The following CLSTN3 variants were observed in gnomAD, a reference collection of about 807,000 sequenced individuals.
CLSTN3 encodes the protein calsyntenin 3.
CLSTN3 carries 36 observed loss-of-function variants against 95.9 expected under a neutral mutation model. The ratio of observed to expected loss-of-function variants is 0.38; its 90% CI spans 0.29 to 0.50. The LOEUF (loss-of-function observed/expected upper bound fraction) is 0.50. Ranked by LOEUF, CLSTN3 falls within the 20% of genes least tolerant of loss-of-function variation. The probability of loss-of-function intolerance (pLI) is 0.95; values close to 1 mark genes in which losing one functional copy is unlikely to be tolerated. For synonymous variants in CLSTN3, 481 were observed against 504.0 expected (o/e 0.95, Z 0.61); for missense variants, 1,084 against 1,268.8 (o/e 0.85, Z 2.21).
At chr12:7,143,383 G>A (rs760119103) in intron 12 of CLSTN3, 72 bp downstream of exon 12, 34 of 1,520,748 alleles carry the variant, frequency 2.2e-5, no homozygotes, top group Middle Eastern at 2.3e-4. Flanking sequence ...GGCCTAAGGC[G>A]TCACCTAGAG....
At chr12:7,130,912 C>G (rs1276697730) in intron 1 of CLSTN3, 200 bp downstream of exon 1, 1 of 622,368 alleles carries the variant, frequency 1.6e-6, no homozygotes, top group Non-Finnish European at 2.9e-6. Context: ...CCTTTCTGGT[C>G]CATCTCTACC....
chr12:7,129,560 T>C, upstream of CLSTN3: 1 of 956,448 alleles, frequency 1.0e-6, no homozygotes, highest in South Asian at 4.8e-5. The surrounding 1 kb of genome is among the most constrained non-coding windows in gnomAD (Gnocchi z 5.5). Flanking sequence ...ACCCAGGGGG[T>C]TTTCTCTCCC....
rs201248781 is a variant in CLSTN3, at chr12:7,133,137, C to T, written c.178C>T (p.Arg60Cys). The change falls in exon 2 of 18, where the codon CGC (arginine) becomes TGC (cysteine). Residue 60 changes from arginine (R) to cysteine (C), a missense_variant. Transcript: ENST00000266546. The surrounding 1 kb of genome is among the most constrained non-coding windows in gnomAD (Gnocchi z 4.7). ...LFALDKDAPL[R>C]YAGEICGFRL... ...TGCCTTGGACAAGGATGCCCCGCTG[C>T]GCTATGCAGGTAATTGGGATTGGGG... The T allele has an allele frequency of 2.5e-5, 40 of 1,612,300 alleles. No individual in the cohort carries two copies. Among genetic ancestry groups the T allele is most frequent in the Non-Finnish European group, 3.2e-5 (38 of 1,179,144 alleles).
At position 7,142,854 on chromosome 12, in the gene CLSTN3, G is replaced by T; in HGVS notation, c.1541-15G>T. 1 of 1,610,646 alleles carries T rather than the reference G, an allele frequency of 6.2e-7. No individual in the cohort carries two copies. The highest frequency in any genetic ancestry group is 8.5e-7 in the Non-Finnish European group (1 of 1,179,292). ...TCTTCTCACCTCCCGTCCTGCTCCT[G>T]TGTTCCTACCCTAGGAGACCCTTTG... On this transcript the variant is annotated splice_polypyrimidine_tract_variant and intron_variant, in intron 10 of 17. Coordinates refer to ENST00000266546, the MANE Select transcript of CLSTN3 (RefSeq NM_014718.4).
rs1361996281 is a variant in CLSTN3, at chr12:7,136,917, C to G, written c.1017C>G (p.Asp339Glu). 6.2e-7 allele frequency: 1 copy of G among 1,614,184 alleles called. No individual in the cohort carries two copies. The highest frequency in any genetic ancestry group is 8.5e-7 in the Non-Finnish European group (1 of 1,180,018). ...GACTCTCGGTGCACTACAGCCAGGACAGCAGCCTGATCTACTGGTTCAATG... is the reference window on the plus strand; with the variant it reads ...GACTCTCGGTGCACTACAGCCAGGAGAGCAGCCTGATCTACTGGTTCAATG... ...TAGLSVHYSQ[D>E]SSLIYWFNGT... is the part of the protein sequence containing the mutation. Residue 339 changes from aspartate to glutamate, a missense_variant, in exon 7 of 18, where the codon GAC (aspartate) becomes GAG (glutamate). Coordinates refer to ENST00000266546, the MANE Select transcript of CLSTN3 (RefSeq NM_014718.4).
At chr12:7,152,363 T>A (rs1381165256) in intron 16 of CLSTN3, among the ~76,000 whole-genome samples, 3 of 152,228 alleles carry the variant, frequency 2.0e-5, no homozygotes, top group Non-Finnish European at 4.4e-5. Flanking sequence ...TTTTTGTTAT[T>A]TTTTGGACAT....
chr12:7,142,760 C>A (rs878885184), intron 10 of CLSTN3, 109 bp from the exon 11 acceptor site: 210 of 265,248 alleles, frequency 7.9e-4, no homozygotes, highest in East Asian at 1.0e-3. Flanking sequence ...TCCTTTTTTT[C>A]TTTCTCAACT....
In CLSTN3 at chr12:7,136,842, G is replaced by A; in HGVS notation, c.942G>A (p.Gly314=). 1 of 1,613,996 alleles carries A rather than the reference G, an allele frequency of 6.2e-7. No individual in the cohort carries two copies. The highest frequency in any genetic ancestry group is 8.5e-7 in the Non-Finnish European group (1 of 1,179,888). Residue 314 remains glycine, a synonymous_variant, in exon 7 of 18, where the codon GGG becomes GGA. Transcript: ENST00000266546. ...ALRKLCGAAT[G]EVDLLPMPGP... is the part of the protein sequence containing the mutation. Reference sequence around the variant, plus strand: ...GGGCTCCCACAGGTGCTGCCACTGGGGAGGTGGATCTGTTGCCCATGCCTG... The same window carrying A: ...GGGCTCCCACAGGTGCTGCCACTGGAGAGGTGGATCTGTTGCCCATGCCTG...
intron 16 of CLSTN3, among the ~76,000 whole-genome samples, chr12:7,151,733 A>C (rs1939727214): frequency 6.6e-6 from 1 of 152,114 alleles, no homozygotes; most frequent in Admixed American, 6.5e-5. Flanking sequence ...TTGTAGAAAA[A>C]CCAGAAAATA....
At chr12:7,132,326 T>C (rs1483319399) in intron 1 of CLSTN3, 1 of 239,516 alleles carries the variant, frequency 4.2e-6, no homozygotes, top group Non-Finnish European at 8.4e-6. Flanking sequence ...GGATTTGTCA[T>C]GTTTCTAGGC....
chr12:7,141,150 C>A lies in CLSTN3; in HGVS notation c.1324-92C>A. ...GTAGAACTGGGAATAAAGGGACTGT[C>A]CCCTGTCTCCCAGGAGATGGGGCAG... is the stretch of plus-strand genomic sequence containing the variant. On this transcript the variant is annotated intron_variant, in intron 8 of 17. Transcript: ENST00000266546. This position sits in a 1 kb window ranked among gnomAD's most constrained non-coding sequence, Gnocchi z 4.1. The A allele has an allele frequency of 1.5e-6, 2 of 1,340,002 alleles. No individual in the cohort carries two copies. The highest frequency in any genetic ancestry group is 4.4e-5 in the Admixed American group (2 of 45,640). The allele number at this position is 1,340,002 out of a possible 1,614,324, so 83.0% of individuals were successfully genotyped here.
upstream of CLSTN3, chr12:7,130,318 G>A (rs1455007087): frequency 2.6e-5 from 19 of 721,718 alleles, no homozygotes; most frequent in Non-Finnish European, 2.8e-5. Flanking sequence ...CCCCCTCCCA[G>A]TCACCTGATT....
chr12:7,137,153 T>G lies in CLSTN3; in HGVS notation c.1210+43T>G. The G allele has an allele frequency of 1.3e-6, 2 of 1,537,912 alleles. No individual in the cohort carries two copies. Among genetic ancestry groups the G allele is most frequent in the Non-Finnish European group, 1.8e-6 (2 of 1,140,812 alleles). On this transcript the variant is annotated intron_variant, in intron 7 of 17. Coordinates refer to ENST00000266546, the MANE Select transcript of CLSTN3 (RefSeq NM_014718.4). This position sits in a 1 kb window ranked among gnomAD's most constrained non-coding sequence, Gnocchi z 4.4. The stretch of plus-strand genomic sequence containing the variant: ...GCACTAGCCAGAGGGGGAAACTGGC[T>G]TCTTGTCCCGCCTCTGTCACTGCCC...
Position 7,149,067 on chromosome 12 carries a change from C to T in CLSTN3, c.1943C>T (p.Thr648Ile). ...GCCCCCCAGATCCTGCTGAGTGGCA[C>T]TGCTCATTTTGCCCGCCCAGCTGTG... Reference protein sequence around the residue: ...PDAPQILLSGTAHFARPAVDF... With the variant: ...PDAPQILLSGIAHFARPAVDF... The change falls in exon 13 of 18, where the codon ACT (threonine) becomes ATT (isoleucine). Residue 648 changes from threonine (T) to isoleucine (I), a missense_variant. Coordinates refer to ENST00000266546, the MANE Select transcript of CLSTN3 (RefSeq NM_014718.4). The surrounding 1 kb of genome is among the most constrained non-coding windows in gnomAD (Gnocchi z 4.5). 6.2e-7 allele frequency: 1 copy of T among 1,614,242 alleles called. No homozygotes were observed.
At position 7,142,146 on chromosome 12, in the gene CLSTN3, C is replaced by T. The variant is rs748189848; in HGVS notation, c.1540+7C>T. 2.5e-6 allele frequency: 4 copies of T among 1,605,768 alleles called. No homozygotes were observed. The highest frequency in any genetic ancestry group is 2.2e-5 in the East Asian group (1 of 44,798). ...AGTACAGACACCACCCAAGGTACTC[C>T]GTGTGTAAGAACTGGAGACCAGAGA... On this transcript the variant is annotated splice_region_variant and intron_variant, in intron 10 of 17. Coordinates refer to ENST00000266546, the MANE Select transcript of CLSTN3 (RefSeq NM_014718.4).
chr12:7,151,263 A>C, intron 16 of CLSTN3, 200 bp downstream of exon 16: 1 of 540,674 alleles, frequency 1.8e-6, no homozygotes, highest in Non-Finnish European at 3.1e-6. Context: ...CTTGTGAAGA[A>C]CATGAGCCTT....
chr12:7,157,943 C>T lies in CLSTN3; in HGVS notation c.2733C>T (p.Ser911=). Residue 911 remains serine, a splice_region_variant and synonymous_variant, in exon 18 of 18, where the codon TCC becomes TCT. Coordinates refer to ENST00000266546, the MANE Select transcript of CLSTN3 (RefSeq NM_014718.4). The surrounding 1 kb of genome is among the most constrained non-coding windows in gnomAD (Gnocchi z 5.9). ...TCCTCTCTGTTCCTGCCCTCCAGTC[C>T]TACCAGAATCGGCAGTCCTGTGTGA... is the stretch of plus-strand genomic sequence containing the variant. The part of the protein sequence containing the change: ...ALTIIVNPME[S]YQNRQSCVTG... 1 of 1,550,964 alleles carries T rather than the reference C, an allele frequency of 6.4e-7. No homozygotes were observed. Among genetic ancestry groups the T allele is most frequent in the African/African-American group, 1.4e-5 (1 of 73,102 alleles).
chr12:7,150,595 G>A lies in CLSTN3; in HGVS notation c.2297G>A (p.Arg766Gln), dbSNP rs1565653764. 8.7e-6 allele frequency: 14 copies of A among 1,614,002 alleles called. No individual in the cohort carries two copies. Among genetic ancestry groups the A allele is most frequent in the Admixed American group, 3.3e-5 (2 of 60,026 alleles). Residue 766 changes from arginine to glutamine, a missense_variant, in exon 15 of 18, where the codon CGG becomes CAG. Transcript: ENST00000266546. The surrounding 1 kb of genome is among the most constrained non-coding windows in gnomAD (Gnocchi z 4.0). ...GAGATCCTGAGGCAGGCTCGTTATC[G>A]GCTGCGACACGGAGCTGCCCTCTAC... is the stretch of plus-strand genomic sequence containing the variant. The part of the protein sequence containing the change: ...YEEILRQARY[R>Q]LRHGAALYTR...
rs1211522627 is a variant in CLSTN3 at position 7,135,969 on chromosome 12, T to C, written c.742+16T>C. On this transcript the variant is annotated intron_variant, in intron 5 of 17. Transcript: ENST00000266546. ...AGCTGGCAAGGTGAGAGCTCAGCGC[T>C]GTGCCCCATCTTGTGAATCATCTTT... is the stretch of plus-strand genomic sequence containing the variant. The C allele has an allele frequency of 1.5e-5, 24 of 1,585,126 alleles. No individual in the cohort carries two copies. The highest frequency in any genetic ancestry group is 1.8e-5 in the Non-Finnish European group (21 of 1,168,064).
Sources: gnomAD v4.1 joint callset for allele counts (sites outside exome capture counted in the v4.1 genomes callset) on GRCh38, gnomAD v4.1.1 for gene constraint, Gnocchi (gnomAD v3.1) non-coding constraint, MANE v1.5 for transcripts, NCBI Gene and HGNC (gene_info 2026-07-23, HGNC 2026-07-21) for gene names.